Variants in LANCL3 observed in about 807,000 individuals in gnomAD.
The protein encoded by LANCL3 is lanC-like protein 3.
In LANCL3, 19 loss-of-function variants were observed where a neutral mutation model predicts 26.5. That is an observed-to-expected ratio of 0.72 (90% CI 0.50 to 1.05). The LOEUF (loss-of-function observed/expected upper bound fraction) is 1.05, where lower values mean the gene tolerates loss of function less well. Ranked by LOEUF, LANCL3 falls within the 50% of genes least tolerant of loss-of-function variation. The probability of loss-of-function intolerance (pLI) is 0.00; values close to 1 mark genes in which losing one functional copy is unlikely to be tolerated. For missense variants in LANCL3, 318 were observed against 362.7 expected, an observed-to-expected ratio of 0.88 and a Z score of 1.00; for synonymous variants, 160 against 166.6, an observed-to-expected ratio of 0.96 and a Z score of 0.30.
At chrX:37,631,207 C>A (rs782167514) in intron 1 of LANCL3, among the ~76,000 whole-genome samples, 6 of 111,711 alleles carry the variant, frequency 5.4e-5, no homozygotes, top group Non-Finnish European at 1.1e-4. Context: ...GAAATTTATC[C>A]ATTTCTTCTA....
chrX:37,636,482 A>G (rs1446259594), intron 1 of LANCL3, among the ~76,000 whole-genome samples: 4 of 112,520 alleles, frequency 3.6e-5, no homozygotes, highest in Non-Finnish European at 7.5e-5. Context: ...TCTGTTAGAA[A>G]AAATAACTTT....
chrX:37,608,213 C>T (rs1924769875), intron 1 of LANCL3, among the ~76,000 whole-genome samples: 1 of 111,901 alleles, frequency 8.9e-6, no homozygotes, highest in Admixed American at 9.5e-5. Flanking sequence ...CAGAACAGAA[C>T]TCAGGTCTTT....
At chrX:37,619,165 T>A (rs1213123763) in intron 1 of LANCL3, among the ~76,000 whole-genome samples, 1 of 111,878 alleles carries the variant, frequency 8.9e-6, no homozygotes, top group Non-Finnish European at 1.9e-5. Flanking sequence ...TAATTCAATC[T>A]TGTGCATGGG....
chrX:37,625,661 C>T (rs949817609), intron 1 of LANCL3, among the ~76,000 whole-genome samples: 2 of 111,107 alleles, frequency 1.8e-5, no homozygotes, highest in African/African-American at 3.3e-5. Flanking sequence ...CCATGTTACA[C>T]GGTTCTGGCT....
intron 1 of LANCL3, among the ~76,000 whole-genome samples, chrX:37,635,643 A>G (rs781832815): frequency 9.0e-6 from 1 of 110,604 alleles, no homozygotes; most frequent in South Asian, 3.9e-4. Context: ...TTTATTATAT[A>G]GTTTGAGATA....
intron 1 of LANCL3, among the ~76,000 whole-genome samples, chrX:37,634,558 G>A (rs376887046): frequency 4.4e-5 from 5 of 112,737 alleles, no homozygotes; most frequent in African/African-American, 6.5e-5. Flanking sequence ...GCTGTAGACC[G>A]GAGCTGTTCC....
intron 1 of LANCL3, among the ~76,000 whole-genome samples, chrX:37,627,603 TAC>T (rs782398487): frequency 2.2e-4 from 24 of 111,621 alleles, no homozygotes; most frequent in Admixed American, 3.8e-4. Flanking sequence ...GCATGTACAT[TAC>T]AATGTGGGAA....
chrX:37,660,843 C>T (rs1423670087), intron 3 of LANCL3, among the ~76,000 whole-genome samples: 11 of 110,764 alleles, frequency 9.9e-5, no homozygotes, highest in Non-Finnish European at 1.7e-4. Context: ...TAATGTAAGT[C>T]GCAGTGTATT....
intron 1 of LANCL3, 119 bp from the exon 2 acceptor site, chrX:37,655,569 A>G: frequency 1.9e-6 from 1 of 523,256 alleles, no homozygotes; most frequent in Non-Finnish European, 2.8e-6. Context: ...GACTAAGTTT[A>G]TTTACATATA....
At chrX:37,671,977 T>A (rs1254453063) in intron 4 of LANCL3, among the ~76,000 whole-genome samples, 1 of 111,616 alleles carries the variant, frequency 9.0e-6, no homozygotes, top group African/African-American at 3.3e-5. Context: ...ATTTTGGATA[T>A]CATCTAGGCT....
intron 3 of LANCL3, among the ~76,000 whole-genome samples, chrX:37,665,479 C>T (rs1486110886): frequency 4.5e-5 from 5 of 112,223 alleles, no homozygotes; most frequent in East Asian, 2.8e-4. Context: ...TAACTATCTC[C>T]GTAGGGAACT....
rs782736828 is a variant in LANCL3 at position 37,587,503 on chromosome X, C to A, written c.573+15060C>A. On this transcript the variant is annotated intron_variant, in intron 1 of 4. Transcript: ENST00000378619. Reference sequence around the variant, plus strand: ...CTCAAGCCTTAGCAATGGCGGGCGCCCCTCCCCCAGCCTTGCTGCTGCCGT... The same window carrying A: ...CTCAAGCCTTAGCAATGGCGGGCGCACCTCCCCCAGCCTTGCTGCTGCCGT... Among the ~76,000 whole-genome samples, 4 of 112,825 alleles carry A rather than the reference C, an allele frequency of 3.5e-5. No individual in the cohort carries two copies. In the East Asian group the frequency reaches 1.1e-3, roughly 32 times the overall value.
intron 1 of LANCL3, among the ~76,000 whole-genome samples, chrX:37,580,313 C>A (rs1284633472): frequency 2.2e-4 from 25 of 111,997 alleles, no homozygotes; most frequent in African/African-American, 7.8e-4. Context: ...TAAGGACTAA[C>A]GATGACTGAT....
Position 37,598,273 on chromosome X carries a change from A to G in LANCL3, c.573+25830A>G, listed in dbSNP as rs573166912. On this transcript the variant is annotated intron_variant, in intron 1 of 4. Coordinates refer to ENST00000378619, the MANE Select transcript of LANCL3 (RefSeq NM_001170331.2). ...ATTCATGATCTTCTCCATTGTTTGT[A>G]TCAATGCTTTGCTACCTTGGCTGCC... is the stretch of plus-strand genomic sequence containing the variant. Among the ~76,000 whole-genome samples, 19 of 111,894 alleles carry G rather than the reference A, an allele frequency of 1.7e-4. No homozygotes were observed. In the South Asian group the frequency reaches 4.5e-3, roughly 26 times the overall value.
intron 1 of LANCL3, among the ~76,000 whole-genome samples, chrX:37,654,642 G>A (rs1926238973): frequency 1.8e-5 from 2 of 111,311 alleles, no homozygotes; most frequent in African/African-American, 3.3e-5. Context: ...AGAGAGGGAC[G>A]GAGGAAGCGA....
intron 1 of LANCL3, among the ~76,000 whole-genome samples, chrX:37,620,163 A>C (rs1556422132): frequency 8.9e-6 from 1 of 111,989 alleles, no homozygotes; most frequent in African/African-American, 3.2e-5. Context: ...ACAAATCCTC[A>C]GGGGACACAG....
At chrX:37,611,455 A>G (rs1556421149) in intron 1 of LANCL3, among the ~76,000 whole-genome samples, 1 of 111,530 alleles carries the variant, frequency 9.0e-6, no homozygotes, top group Non-Finnish European at 1.9e-5. Flanking sequence ...GAATGTAGGC[A>G]TAGTCATCCT....
intron 1 of LANCL3, among the ~76,000 whole-genome samples, chrX:37,630,982 G>T (rs1569466491): frequency 8.9e-6 from 1 of 111,803 alleles, no homozygotes; most frequent in Non-Finnish European, 1.9e-5. Context: ...AGTTAAGGAG[G>T]ATTCCCTCTT....
At chrX:37,617,752 A>G (rs782255400) in intron 1 of LANCL3, among the ~76,000 whole-genome samples, 1 of 111,772 alleles carries the variant, frequency 8.9e-6, no homozygotes, top group Non-Finnish European at 1.9e-5. Flanking sequence ...GGAAGACTAG[A>G]GTAGATGGAA....
Sources: allele counts gnomAD v4.1 joint callset (sites outside exome capture counted in the v4.1 genomes callset), GRCh38; gene constraint gnomAD v4.1.1; transcripts MANE v1.5; gene names NCBI Gene and HGNC (gene_info 2026-07-23, HGNC 2026-07-21).